EPG5: variants seen among roughly 807,000 people sequenced by gnomAD.
The protein encoded by EPG5 is ectopic P-granules 5 autophagy tethering factor.
Under a neutral mutation model 302.7 loss-of-function variants are expected in EPG5, and 159 were observed. The ratio of observed to expected loss-of-function variants is 0.53; its 90% CI spans 0.46 to 0.60. The LOEUF (loss-of-function observed/expected upper bound fraction) is 0.60, where lower values mean the gene tolerates loss of function less well. Ranked by LOEUF, EPG5 falls within the 20% of genes least tolerant of loss-of-function variation. The probability of loss-of-function intolerance (pLI) is 0.00; values close to 1 mark genes in which losing one functional copy is unlikely to be tolerated. For missense variants in EPG5, 2,896 were observed against 3,092.4 expected (o/e 0.94, Z 1.51); for synonymous variants, 1,158 against 1,136.8 (o/e 1.02, Z -0.37).
chr18:45,961,046 T>C (rs949984430), intron 1 of EPG5, among the ~76,000 whole-genome samples: 1 of 152,134 alleles, frequency 6.6e-6, no homozygotes, highest in African/African-American at 2.4e-5. Context: ...TCCTTGACTG[T>C]TTTCTCTCAC....
the EPG5 span, among the ~76,000 whole-genome samples, chr18:45,803,530 C>T: frequency 6.6e-6 from 1 of 152,208 alleles, no homozygotes; most frequent in Non-Finnish European, 1.5e-5. Flanking sequence ...AGAAGAAACT[C>T]ACCATCTTTC....
In EPG5 at chr18:45,901,065, A is replaced by G. The variant is rs1340551157; in HGVS notation, c.4577T>C (p.Val1526Ala). Residue 1526 changes from valine (V) to alanine (A), a missense_variant, in exon 26 of 44, where the codon GTG (valine) becomes GCG (alanine). Transcript: ENST00000282041. ...GGTGGCGTCCTTCTGACTCAATAGC[A>G]CAGCAGAGGAAATAACTGGCACAGG... ...KPPVPVISSA[V>A]LLSQKDATQL... is the part of the protein sequence containing the mutation. 6.2e-7 allele frequency: 1 copy of G among 1,614,088 alleles called. No individual in the cohort carries two copies. Among genetic ancestry groups the G allele is most frequent in the African/African-American group, 1.3e-5 (1 of 74,944 alleles).
At chr18:45,932,199 C>T (rs2050410110) in intron 11 of EPG5, among the ~76,000 whole-genome samples, 1 of 151,942 alleles carries the variant, frequency 6.6e-6, no homozygotes, top group Admixed American at 6.6e-5. Flanking sequence ...AAGGAAAAGG[C>T]CTTATATTTT....
At chr18:45,802,044 G>T in the EPG5 span, among the ~76,000 whole-genome samples, 280 of 152,248 alleles carry the variant, frequency 1.8e-3, 1 homozygote, top group African/African-American at 5.9e-3. Flanking sequence ...ACCCTGCAGT[G>T]TCCACTCCCT....
At chr18:45,910,813 AG>A in intron 22 of EPG5, 71 bp from the exon 23 acceptor site, 1 of 1,233,622 alleles carries the variant, frequency 8.1e-7, no homozygotes, top group African/African-American at 1.5e-5. Context: ...ATAAAATAGC[AG>A]TTAATTAGCA....
chr18:45,867,601 T>A lies in EPG5; in HGVS notation c.6373A>T (p.Ile2125Phe). 1.2e-6 allele frequency: 2 copies of A among 1,614,006 alleles called. No individual in the cohort carries two copies. The highest frequency in any genetic ancestry group is 1.7e-6 in the Non-Finnish European group (2 of 1,179,986). Residue 2125 changes from isoleucine (I) to phenylalanine (F), a missense_variant, in exon 37 of 44, where the codon ATT (isoleucine) becomes TTT (phenylalanine). Around this residue, in one of 5 missense-constraint regions of EPG5, gnomAD observed 620 missense variants for 704.2 expected, o/e 0.88. Coordinates refer to ENST00000282041, the MANE Select transcript of EPG5 (RefSeq NM_020964.3). The part of the protein sequence containing the change: ...SMIVCLLFMM[I>F]LLAKEVQLVD... Reference sequence around the variant, plus strand: ...AGTTGAACTTCCTTTGCCAATAAAATCATCATGAAAAGGAGGCAGACAATC... The same window carrying A: ...AGTTGAACTTCCTTTGCCAATAAAAACATCATGAAAAGGAGGCAGACAATC...
rs578235641 is a variant in EPG5 at position 45,921,503 on chromosome 18, T to C, written c.3098+838A>G. Among the ~76,000 whole-genome samples the C allele has an allele frequency of 5.9e-5, 9 of 152,320 alleles. No individual in the cohort carries two copies. In the East Asian group the frequency reaches 1.7e-3, roughly 29 times the overall value. On this transcript the variant is annotated intron_variant, in intron 16 of 43. Coordinates refer to ENST00000282041, the MANE Select transcript of EPG5 (RefSeq NM_020964.3). ...ATAGTCTTCATCACTAGTGATAAAATGGTAACACAAGACAAATGCCATTCC... is the reference window on the plus strand; with the variant it reads ...ATAGTCTTCATCACTAGTGATAAAACGGTAACACAAGACAAATGCCATTCC...
At position 45,858,600 on chromosome 18, in the gene EPG5, T is replaced by C. The variant is rs376052978; in HGVS notation, c.7192A>G (p.Ile2398Val). The change falls in exon 41 of 44, where the codon ATC (isoleucine) becomes GTC (valine). Residue 2398 changes from isoleucine to valine, a missense_variant. Transcript: ENST00000282041. The part of the protein sequence containing the change: ...TLRNEMKVLL[I>V]LSKWLEQVYP... Reference sequence around the variant, plus strand: ...ACCTGTTCCAGCCACTTGCTTAAGATGAGCAGCACTTTCATTTCATTCCTT... The same window carrying C: ...ACCTGTTCCAGCCACTTGCTTAAGACGAGCAGCACTTTCATTTCATTCCTT... 4.3e-6 allele frequency: 7 copies of C among 1,614,106 alleles called. No individual in the cohort carries two copies. In the African/African-American group the frequency reaches 8.0e-5, roughly 18 times the overall value.
chr18:45,927,610 A>G (rs2050304264), intron 13 of EPG5, among the ~76,000 whole-genome samples: 1 of 151,000 alleles, frequency 6.6e-6, no homozygotes, highest in Admixed American at 6.6e-5. Context: ...ACACACACAC[A>G]CACACACACA....
chr18:45,930,410 T>C (rs1021359782), intron 12 of EPG5, among the ~76,000 whole-genome samples: 3 of 152,166 alleles, frequency 2.0e-5, no homozygotes, highest in African/African-American at 7.2e-5. Context: ...ATAAAAACTG[T>C]GTCAGGCTGT....
intron 24 of EPG5, among the ~76,000 whole-genome samples, chr18:45,905,860 C>A (rs1189300349): frequency 6.6e-6 from 1 of 152,132 alleles, no homozygotes; most frequent in African/African-American, 2.4e-5. Flanking sequence ...TGTACAAAGC[C>A]TTGGATATGG....
At chr18:45,810,252 C>G in the EPG5 span, among the ~76,000 whole-genome samples, 1 of 152,076 alleles carries the variant, frequency 6.6e-6, no homozygotes, top group African/African-American at 2.4e-5. Flanking sequence ...AGGCCAGGAC[C>G]AGACGGATTC....
intron 25 of EPG5, 47 bp from the exon 26 acceptor site, chr18:45,901,214 CAGG>C (rs773209012): frequency 6.6e-7 from 1 of 1,520,658 alleles, no homozygotes; most frequent in Non-Finnish European, 9.1e-7. Flanking sequence ...GGTGAATTAG[CAGG>C]AGAACAGAAG....
chr18:45,879,476 TC>T (rs1181266053), intron 32 of EPG5, among the ~76,000 whole-genome samples: 1 of 152,178 alleles, frequency 6.6e-6, no homozygotes, highest in Admixed American at 6.5e-5. Context: ...CAAGCGATTC[TC>T]CTACCTCAGC....
In EPG5 at chr18:45,948,592, CA is replaced by C. The variant is rs2050838482; in HGVS notation, c.1498-17del. ...ACACTTTGATCTGAAATCAGAAAAG[CA>C]AAAAGCATACTGTAGAAAACAAATA... On this transcript the variant is annotated splice_polypyrimidine_tract_variant and intron_variant, in intron 5 of 43. Coordinates refer to ENST00000282041, the MANE Select transcript of EPG5 (RefSeq NM_020964.3). 3.1e-6 allele frequency: 5 copies of C among 1,603,112 alleles called. No individual in the cohort carries two copies. Among genetic ancestry groups the C allele is most frequent in the South Asian group, 1.1e-5 (1 of 90,744 alleles).
At chr18:45,822,621 G>A in the EPG5 span, among the ~76,000 whole-genome samples, 23 of 152,244 alleles carry the variant, frequency 1.5e-4, no homozygotes, top group East Asian at 3.3e-3. Flanking sequence ...GTGGTCACTA[G>A]ACATTGTATA....
intron 25 of EPG5, among the ~76,000 whole-genome samples, chr18:45,901,570 G>A (rs2049619895): frequency 1.3e-5 from 2 of 152,118 alleles, no homozygotes; most frequent in African/African-American, 2.4e-5. Flanking sequence ...TAAGCGTTAT[G>A]GAATATAGCC....
chr18:45,943,949 T>G, intron 8 of EPG5, 56 bp downstream of exon 8: 1 of 1,104,872 alleles, frequency 9.1e-7, no homozygotes, highest in Non-Finnish European at 1.4e-6. Flanking sequence ...CAATGCAGAG[T>G]TCCTGTGTTT....
the EPG5 span, among the ~76,000 whole-genome samples, chr18:45,801,234 C>T: frequency 6.6e-6 from 1 of 152,074 alleles, no homozygotes; most frequent in South Asian, 2.1e-4. Flanking sequence ...ACAAGGTTCA[C>T]TACGTTGGCC....
Sources: gnomAD v4.1 joint callset for allele counts (sites outside exome capture counted in the v4.1 genomes callset) on GRCh38, gnomAD v4.1.1 for gene constraint, gnomAD v4.1.1 regional missense constraint, MANE v1.5 for transcripts, NCBI Gene and HGNC (gene_info 2026-07-23, HGNC 2026-07-21) for gene names.